CACNA1C: variants seen among roughly 807,000 people sequenced by gnomAD.
CACNA1C encodes the protein calcium voltage-gated channel subunit alpha1 C.
Under a neutral mutation model 229.0 loss-of-function variants are expected in CACNA1C, and 30 were observed. That is an observed-to-expected ratio of 0.13 (90% confidence interval 0.10 to 0.18). CACNA1C has a LOEUF of 0.18. CACNA1C is among the 10% of genes least tolerant of loss of function. The pLI is 1.00. For synonymous variants in CACNA1C, 1,114 were observed against 1,132.5 expected, an observed-to-expected ratio of 0.98 and a Z score of 0.33; for missense variants, 1,658 against 2,845.0, an observed-to-expected ratio of 0.58 and a Z score of 9.49.
chr12:2,448,339 T>A (rs1475657602), intron 3 of CACNA1C, among the ~76,000 whole-genome samples: 1 of 152,244 alleles, frequency 6.6e-6, no homozygotes, highest in Non-Finnish European at 1.5e-5. Flanking sequence ...TGCTGAAATG[T>A]TCGACGTCTT....
At chr12:2,352,685 T>C (rs2097238434) in intron 3 of CACNA1C, among the ~76,000 whole-genome samples, 1 of 150,400 alleles carries the variant, frequency 6.6e-6, no homozygotes, top group Non-Finnish European at 1.5e-5. Context: ...GGTGGGGAGA[T>C]GCTGGTTACC....
At chr12:2,104,471 C>A (rs964541898) in intron 1 of CACNA1C, among the ~76,000 whole-genome samples, 2 of 152,206 alleles carry the variant, frequency 1.3e-5, no homozygotes, top group African/African-American at 4.8e-5. Flanking sequence ...AGATTTGGGG[C>A]TGAGACAATG....
intron 7 of CACNA1C, among the ~76,000 whole-genome samples, chr12:2,499,532 G>T (rs1206516116): frequency 1.3e-5 from 2 of 152,174 alleles, no homozygotes; most frequent in Non-Finnish European, 2.9e-5. Context: ...GGACTTGAGG[G>T]TTTAAATCTG....
intron 3 of CACNA1C, among the ~76,000 whole-genome samples, chr12:2,345,305 T>C (rs1248955044): frequency 6.6e-6 from 1 of 151,758 alleles, no homozygotes; most frequent in Non-Finnish European, 1.5e-5. Flanking sequence ...CAGCTCCCCC[T>C]GTACGCCAGG....
At chr12:2,176,153 TGAATA>T (rs2096638607) in intron 3 of CACNA1C, among the ~76,000 whole-genome samples, 1 of 152,000 alleles carries the variant, frequency 6.6e-6, no homozygotes, top group African/African-American at 2.4e-5. Context: ...TTTGCAATCT[TGAATA>T]GGGTAAGCAG....
At position 2,004,136 on chromosome 12, in the gene CACNA1C, CACA is replaced by C. The variant is rs1020990321; in HGVS notation, c.139+32938_139+32940del. 77 of 1,204,402 alleles carry C rather than the reference CACA, an allele frequency of 6.4e-5. 1 individual carries two copies. In the African/African-American group the frequency reaches 1.2e-3, roughly 18 times the overall value. 74.6% of individuals were successfully genotyped at this position (1,204,402 alleles called of 1,614,324 possible). On this transcript the variant is annotated intron_variant, in intron 1 of 46. Coordinates refer to the CACNA1C transcript ENST00000682462. Reference sequence around the variant, plus strand: ...CCCCAAACCCCCGAGACCCCATCTCCACAACTTCGGCCTCAGTCCCCAGATCCA... The same window carrying C: ...CCCCAAACCCCCGAGACCCCATCTCCACTTCGGCCTCAGTCCCCAGATCCA...
chr12:2,648,632 T>G, intron 31 of CACNA1C, 125 bp downstream of exon 31: 2 of 787,818 alleles, frequency 2.5e-6, no homozygotes, highest in Non-Finnish European at 4.5e-6. Context: ...GTGGCCACTG[T>G]GTCTGCCGTG....
At chr12:2,464,645 G>A (rs2099538075) in intron 5 of CACNA1C, among the ~76,000 whole-genome samples, 1 of 152,184 alleles carries the variant, frequency 6.6e-6, no homozygotes, top group East Asian at 1.9e-4. Flanking sequence ...GTTTTTCCTA[G>A]TATGTGAGTC....
chr12:2,511,267 T>C (rs953023939), intron 8 of CACNA1C, among the ~76,000 whole-genome samples: 1 of 152,160 alleles, frequency 6.6e-6, no homozygotes, highest in Non-Finnish European at 1.5e-5. Context: ...CAACTCCATC[T>C]CACCATAAAG....
chr12:2,261,286 A>G (rs1008635782), intron 3 of CACNA1C, among the ~76,000 whole-genome samples: 1 of 152,230 alleles, frequency 6.6e-6, no homozygotes, highest in African/African-American at 2.4e-5. Context: ...TAACATAAGC[A>G]ATATTGTTTC....
chr12:2,314,616 T>A (rs556619174), intron 3 of CACNA1C, among the ~76,000 whole-genome samples: 1 of 152,358 alleles, frequency 6.6e-6, no homozygotes, highest in Non-Finnish European at 1.5e-5. Context: ...TCTAGATTTC[T>A]TGACTCAGAA....
At chr12:2,629,703 G>A (rs2153549147) in intron 29 of CACNA1C, among the ~76,000 whole-genome samples, 1 of 152,248 alleles carries the variant, frequency 6.6e-6, no homozygotes, top group Non-Finnish European at 1.5e-5. Context: ...CTTTCAACTT[G>A]GTATATCTCC....
chr12:2,277,797 G>T (rs1411518417), intron 3 of CACNA1C, among the ~76,000 whole-genome samples: 1 of 152,168 alleles, frequency 6.6e-6, no homozygotes, highest in African/African-American at 2.4e-5. Context: ...ACCAAAAATT[G>T]ACTTGTTTTC....
chr12:2,533,539 C>T (rs1028701757), intron 9 of CACNA1C, among the ~76,000 whole-genome samples: 1 of 152,204 alleles, frequency 6.6e-6, no homozygotes, highest in Non-Finnish European at 1.5e-5. Context: ...GTGGAAGTCC[C>T]CAGCCATGTT....
intron 3 of CACNA1C, among the ~76,000 whole-genome samples, chr12:2,231,180 A>T (rs951891110): frequency 6.6e-6 from 1 of 152,168 alleles, no homozygotes; most frequent in Non-Finnish European, 1.5e-5. Context: ...TGTATATGTC[A>T]TCCCTCTTCC....
chr12:2,026,628 C>G (rs1005000407), intron 1 of CACNA1C, among the ~76,000 whole-genome samples: 7 of 152,150 alleles, frequency 4.6e-5, no homozygotes, highest in African/African-American at 1.7e-4. Flanking sequence ...AAGGCAATGT[C>G]TTTTTTTATT....
At chr12:2,469,343 C>G (rs61909380) in intron 5 of CACNA1C, among the ~76,000 whole-genome samples, 3 of 152,208 alleles carry the variant, frequency 2.0e-5, no homozygotes, top group East Asian at 3.9e-4. Flanking sequence ...TGCCAGGCAT[C>G]GAGCCACGCG....
chr12:2,261,412 T>C (rs779340487), intron 3 of CACNA1C, among the ~76,000 whole-genome samples: 2 of 152,254 alleles, frequency 1.3e-5, no homozygotes, highest in Non-Finnish European at 2.9e-5. Context: ...TGCTCTGTCA[T>C]TCAGTGTGTT....
chr12:2,384,073 T>A (rs1402595715), intron 3 of CACNA1C, among the ~76,000 whole-genome samples: 2 of 152,240 alleles, frequency 1.3e-5, no homozygotes, highest in Admixed American at 6.5e-5. Flanking sequence ...AGGACCACTC[T>A]GATTTTTAAA....
Sources: allele counts gnomAD v4.1 joint callset (sites outside exome capture counted in the v4.1 genomes callset), GRCh38; gene constraint gnomAD v4.1.1; transcripts MANE v1.5; gene names NCBI Gene and HGNC (gene_info 2026-07-23, HGNC 2026-07-21).